Variants in PTPRM observed in about 807,000 individuals in gnomAD.
The protein encoded by PTPRM is receptor-type tyrosine-protein phosphatase mu.
In PTPRM, 47 loss-of-function variants were observed where a neutral mutation model predicts 186.7. That is an observed-to-expected ratio of 0.25 (90% confidence interval 0.20 to 0.32). The LOEUF (loss-of-function observed/expected upper bound fraction) is 0.32, where lower values mean the gene tolerates loss of function less well. PTPRM is among the 10% of genes least tolerant of loss of function. The pLI, the probability that PTPRM is intolerant of heterozygous loss-of-function variation, is 1.00. For missense variants in PTPRM, 1,494 were observed against 1,865.0 expected, an observed-to-expected ratio of 0.80 and a Z score of 3.66; for synonymous variants, 668 against 674.9, an observed-to-expected ratio of 0.99 and a Z score of 0.16.
chr18:7,976,299 G>A (rs1000102314), intron 7 of PTPRM, among the ~76,000 whole-genome samples: 44 of 152,336 alleles, frequency 2.9e-4, no homozygotes, highest in African/African-American at 1.0e-3. Flanking sequence ...ACAGAAGCTG[G>A]GAGAGGCAGG....
chr18:7,678,877 A>G (rs2039412053), intron 1 of PTPRM, among the ~76,000 whole-genome samples: 3 of 152,192 alleles, frequency 2.0e-5, no homozygotes, highest in Admixed American at 1.3e-4. Context: ...TTTTGTGACA[A>G]AAGATATCTG....
intron 11 of PTPRM, among the ~76,000 whole-genome samples, chr18:8,093,436 G>A (rs567806787): frequency 1.7e-4 from 26 of 151,780 alleles, no homozygotes; most frequent in African/African-American, 2.2e-4. Context: ...TCCTTTTTTC[G>A]TCTCATTTTA....
chr18:7,813,158 C>T (rs962005930), intron 2 of PTPRM, among the ~76,000 whole-genome samples: 2 of 152,100 alleles, frequency 1.3e-5, no homozygotes, highest in African/African-American at 4.8e-5. Context: ...CATGTTCTTC[C>T]ATAGAAATGA....
chr18:8,123,786 T>G (rs2092255486), intron 13 of PTPRM, among the ~76,000 whole-genome samples: 1 of 152,176 alleles, frequency 6.6e-6, no homozygotes, highest in Non-Finnish European at 1.5e-5. Flanking sequence ...TGAAGGTTAT[T>G]GGGATCCTTC....
intron 1 of PTPRM, among the ~76,000 whole-genome samples, chr18:7,656,855 T>C (rs900740040): frequency 6.6e-6 from 1 of 152,076 alleles, no homozygotes; most frequent in East Asian, 1.9e-4. Flanking sequence ...TGAGAACAGG[T>C]AGCCAGCTTG....
intron 7 of PTPRM, among the ~76,000 whole-genome samples, chr18:7,973,691 T>C (rs930409536): frequency 1.1e-4 from 16 of 152,150 alleles, no homozygotes; most frequent in African/African-American, 3.6e-4. Context: ...TCACATTTTA[T>C]GTAGTTAAAT....
At chr18:7,654,432 C>T (rs150254324) in intron 1 of PTPRM, among the ~76,000 whole-genome samples, 1 of 152,222 alleles carries the variant, frequency 6.6e-6, no homozygotes, top group African/African-American at 2.4e-5. Context: ...AATAATGGAA[C>T]ACTAGGCATA....
intron 1 of PTPRM, among the ~76,000 whole-genome samples, chr18:7,737,454 A>G (rs2040795445): frequency 6.6e-6 from 1 of 152,024 alleles, no homozygotes; most frequent in Non-Finnish European, 1.5e-5. Flanking sequence ...TGAATTTGAA[A>G]CCCGTATGTA....
At chr18:8,027,963 G>A (rs2083536953) in intron 7 of PTPRM, among the ~76,000 whole-genome samples, 1 of 151,900 alleles carries the variant, frequency 6.6e-6, no homozygotes, top group South Asian at 2.1e-4. Flanking sequence ...ACTGTCCCCT[G>A]GTTAGTTGTC....
chr18:7,891,351 A>AT (rs1289041286), intron 3 of PTPRM, among the ~76,000 whole-genome samples: 1 of 126,078 alleles, frequency 7.9e-6, no homozygotes, highest in African/African-American at 3.7e-5. Context: ...ATAACAGGTA[A>AT]ATTTTTTTTT....
At chr18:8,223,778 T>C (rs1046990128) in intron 14 of PTPRM, among the ~76,000 whole-genome samples, 16 of 152,204 alleles carry the variant, frequency 1.1e-4, no homozygotes, top group Non-Finnish European at 2.2e-4. Context: ...TATATCAGCT[T>C]TCATAACATT....
intron 14 of PTPRM, among the ~76,000 whole-genome samples, chr18:8,216,049 C>A (rs932550262): frequency 5.9e-5 from 9 of 152,204 alleles, no homozygotes; most frequent in African/African-American, 2.2e-4. Flanking sequence ...GAGTGCAGTT[C>A]TCTTTCTGTC....
intron 1 of PTPRM, among the ~76,000 whole-genome samples, chr18:7,736,014 A>C (rs2040763480): frequency 6.6e-6 from 1 of 152,096 alleles, no homozygotes; most frequent in South Asian, 2.1e-4. Context: ...TCCATAAAAT[A>C]TGTAAAACCA....
chr18:8,026,470 AACAATAATAGCAATTTTGTTT>A (rs1187365268), intron 7 of PTPRM, among the ~76,000 whole-genome samples: 2 of 152,224 alleles, frequency 1.3e-5, no homozygotes, highest in African/African-American at 2.4e-5. Flanking sequence ...AAGTGTGTTG[AACAATAATAGCAATTTTGTTT>A]ACTTCATGCT....
At chr18:8,144,420 G>A (rs1440082491) in intron 14 of PTPRM, among the ~76,000 whole-genome samples, 2 of 152,094 alleles carry the variant, frequency 1.3e-5, no homozygotes, top group Non-Finnish European at 2.9e-5. Context: ...CCAGGAGTTC[G>A]AGACCAGCCT....
chr18:8,014,422 A>G (rs1042752793), intron 7 of PTPRM, among the ~76,000 whole-genome samples: 1 of 152,202 alleles, frequency 6.6e-6, no homozygotes, highest in Non-Finnish European at 1.5e-5. Flanking sequence ...GTTAAAAAGT[A>G]CATCCTTTCT....
intron 4 of PTPRM, among the ~76,000 whole-genome samples, chr18:7,919,318 C>A (rs1284962903): frequency 1.3e-5 from 2 of 152,086 alleles, no homozygotes; most frequent in African/African-American, 2.4e-5. Context: ...ATTATATTTT[C>A]TATTTCTGTT....
At chr18:7,879,063 C>T (rs1395832810) in intron 2 of PTPRM, among the ~76,000 whole-genome samples, 2 of 152,192 alleles carry the variant, frequency 1.3e-5, no homozygotes, top group African/African-American at 2.4e-5. Flanking sequence ...TTACAAAGCT[C>T]ACACCTAGTA....
At chr18:8,372,544 G>C (rs1008365111) in intron 24 of PTPRM, among the ~76,000 whole-genome samples, 11 of 152,174 alleles carry the variant, frequency 7.2e-5, no homozygotes, top group Admixed American at 7.2e-4. Flanking sequence ...AAGCTGGAAA[G>C]ACTTTATTTT....
Sources: gnomAD v4.1 joint callset for allele counts (sites outside exome capture counted in the v4.1 genomes callset) on GRCh38, gnomAD v4.1.1 for gene constraint, MANE v1.5 for transcripts, NCBI Gene and HGNC (gene_info 2026-07-23, HGNC 2026-07-21) for gene names.